The following AGAP3 variants were observed in gnomAD, a reference collection of about 807,000 sequenced individuals.
AGAP3 encodes arf-GAP with GTPase, ANK repeat and PH domain-containing protein 3.
A neutral mutation model predicts 96.9 loss-of-function variants in AGAP3; 24 were observed. The ratio of observed to expected loss-of-function variants is 0.25; its 90% CI spans 0.18 to 0.35. The LOEUF (loss-of-function observed/expected upper bound fraction) is 0.35, where lower values mean the gene tolerates loss of function less well. Ranked by LOEUF, AGAP3 falls within the 10% of genes least tolerant of loss-of-function variation. AGAP3 has a pLI of 1.00. For missense variants in AGAP3, 876 were observed against 1,254.2 expected (o/e 0.70, Z 4.55); for synonymous variants, 563 against 536.1 (o/e 1.05, Z -0.69).
Position 151,142,741 on chromosome 7 carries a change from G to A in AGAP3, c.2273+107G>A. 1.6e-6 allele frequency: 2 copies of A among 1,240,048 alleles called. No homozygotes were observed. The highest frequency in any genetic ancestry group is 2.2e-6 in the Non-Finnish European group (2 of 895,226). 76.8% of individuals were successfully genotyped at this position (1,240,048 alleles called of 1,614,324 possible). ...TGATGGTATTAGAAGGGTTAAAACT[G>A]TCTGTTGCTCTGCTTGGCAGTTGGC... On this transcript the variant is annotated intron_variant, in intron 16 of 17. Coordinates refer to ENST00000397238, the MANE Select transcript of AGAP3 (RefSeq NM_031946.7). This position sits in a 1 kb window ranked among gnomAD's most constrained non-coding sequence, Gnocchi z 7.5.
intron 1 of AGAP3, among the ~76,000 whole-genome samples, chr7:151,107,235 G>A (rs922357096): frequency 4.6e-5 from 7 of 152,022 alleles, no homozygotes; most frequent in South Asian, 2.1e-4. Context: ...ACTTGAACCC[G>A]GGAGGCGGAG....
At chr7:151,132,178 G>A (rs897308609) in intron 10 of AGAP3, among the ~76,000 whole-genome samples, 4 of 152,338 alleles carry the variant, frequency 2.6e-5, no homozygotes, top group South Asian at 2.1e-4. Context: ...ATGGCAGGAG[G>A]GGCTCCTGGG....
intron 1 of AGAP3, chr7:151,115,331 G>A: frequency 9.9e-7 from 1 of 1,015,032 alleles, no homozygotes; most frequent in Non-Finnish European, 1.2e-6. Flanking sequence ...CGGCGCTCAG[G>A]AAGAGCTTCA....
chr7:151,135,238 C>T (rs1358688376), intron 11 of AGAP3, among the ~76,000 whole-genome samples: 1 of 152,206 alleles, frequency 6.6e-6, no homozygotes, highest in Non-Finnish European at 1.5e-5. Context: ...CCCCTGGCTC[C>T]CGATTGCTTT....
chr7:151,133,716 T>C lies in AGAP3; in HGVS notation c.1327-684T>C, dbSNP rs748196225. Among the ~76,000 whole-genome samples, 12 of 152,160 alleles carry C rather than the reference T, an allele frequency of 7.9e-5. No homozygotes were observed. Among genetic ancestry groups the C allele is most frequent in the Non-Finnish European group, 1.3e-4 (9 of 68,026 alleles). ...CACTACCTCCCTCAGGTGGTGAAGA[T>C]TACGCGAGGCTATACGTGGAATGTA... On this transcript the variant is annotated intron_variant, in intron 10 of 17. Transcript: ENST00000397238. The surrounding 1 kb of genome is among the most constrained non-coding windows in gnomAD (Gnocchi z 5.4).
At position 151,128,636 on chromosome 7, in the gene AGAP3, T is replaced by C. The variant is rs555126575; in HGVS notation, c.1278T>C (p.Tyr426=). Residue 426 remains tyrosine, a synonymous_variant, in exon 10 of 18, where the codon TAT becomes TAC. Transcript: ENST00000397238. ...TGAACAAGGAGTGGAAGAAGAAGTA[T>C]GTGACGCTCTGTGACAACGGGCTGC... The part of the protein sequence containing the change: ...KSLNKEWKKK[Y]VTLCDNGLLT... 2 of 1,613,572 alleles carry C rather than the reference T, an allele frequency of 1.2e-6. No homozygotes were observed. The highest frequency in any genetic ancestry group is 1.7e-6 in the Non-Finnish European group (2 of 1,179,860).
chr7:151,102,587 C>T (rs1042988936), intron 1 of AGAP3, among the ~76,000 whole-genome samples: 5 of 148,112 alleles, frequency 3.4e-5, no homozygotes, highest in African/African-American at 1.3e-4. Flanking sequence ...CATAGTGATA[C>T]CTCGTCTCTA....
intron 1 of AGAP3, among the ~76,000 whole-genome samples, chr7:151,103,175 G>T (rs888754962): frequency 2.0e-5 from 3 of 152,240 alleles, no homozygotes; most frequent in African/African-American, 7.2e-5. Flanking sequence ...CTACAGGGTA[G>T]TATTAACCCC....
Position 151,140,815 on chromosome 7 carries a change from A to C in AGAP3, c.1804+699A>C, listed in dbSNP as rs914724115. Reference sequence around the variant, plus strand: ...CGTGGGGTCTCCCTTCTGGTCCGGCAGACTAAGCCCCACAAATGATCATGG... The same window carrying C: ...CGTGGGGTCTCCCTTCTGGTCCGGCCGACTAAGCCCCACAAATGATCATGG... On this transcript the variant is annotated intron_variant, in intron 13 of 17. Coordinates refer to ENST00000397238, the MANE Select transcript of AGAP3 (RefSeq NM_031946.7). The surrounding 1 kb of genome is among the most constrained non-coding windows in gnomAD (Gnocchi z 5.4). The C allele has an allele frequency of 6.6e-6, 1 of 152,220 alleles. No homozygotes were observed. Among genetic ancestry groups the C allele is most frequent in the Admixed American group, 6.5e-5 (1 of 15,274 alleles). 9.4% of individuals were successfully genotyped at this position (152,220 alleles called of 1,614,324 possible). A position where few individuals can be genotyped will look rare whatever the true frequency, so the allele number is the denominator to read the frequency against.
At chr7:151,106,399 C>G (rs1311156566) in intron 1 of AGAP3, among the ~76,000 whole-genome samples, 1 of 152,122 alleles carries the variant, frequency 6.6e-6, no homozygotes, top group Non-Finnish European at 1.5e-5. Context: ...GTGGCACAAC[C>G]TCGGCTCACT....
Position 151,118,091 on chromosome 7 carries a change from G to C in AGAP3, c.707-119G>C. On this transcript the variant is annotated intron_variant, in intron 5 of 17. Transcript: ENST00000397238. The surrounding 1 kb of genome is among the most constrained non-coding windows in gnomAD (Gnocchi z 6.1). The stretch of plus-strand genomic sequence containing the variant: ...AGACCCAGGCACCCGCGTTCTTGGT[G>C]CTCTGTGTGTTCCACTCACCAGGCC... 7.3e-7 allele frequency: 1 copy of C among 1,364,692 alleles called. No individual in the cohort carries two copies. The highest frequency in any genetic ancestry group is 1.4e-5 in the South Asian group (1 of 69,694). 84.5% of individuals were successfully genotyped at this position (1,364,692 alleles called of 1,614,324 possible).
chr7:151,120,520 C>A, intron 8 of AGAP3: 1 of 801,194 alleles, frequency 1.2e-6, no homozygotes, highest in Non-Finnish European at 1.9e-6. Context: ...GATTCAACAG[C>A]TAATGAACCG....
intron 10 of AGAP3, among the ~76,000 whole-genome samples, chr7:151,129,165 G>T (rs1439207527): frequency 2.0e-5 from 3 of 152,058 alleles, no homozygotes; most frequent in African/African-American, 7.2e-5. Flanking sequence ...CCAGCTGGGG[G>T]GTGTTGTGGT....
At chr7:151,130,615 T>TGCAACAAGTGCGAG (rs1258558663) in intron 10 of AGAP3, among the ~76,000 whole-genome samples, 3 of 152,064 alleles carry the variant, frequency 2.0e-5, no homozygotes, top group African/African-American at 7.2e-5. Flanking sequence ...GCCGCACTTG[T>TGCAACAAGTGCGAG]TGCACTGTGC....
At chr7:151,129,708 C>CCGCGGGCACAGACCTTGT in intron 10 of AGAP3, among the ~76,000 whole-genome samples, 1 of 151,888 alleles carries the variant, frequency 6.6e-6, no homozygotes, top group Non-Finnish European at 1.5e-5. Context: ...CACCTCCCCA[C>CCGCGGGCACAGACCTTGT]CGCGGGCACA....
chr7:151,128,531 A>G (rs755369161), intron 9 of AGAP3, 49 bp from the exon 10 acceptor site: 47 of 1,548,514 alleles, frequency 3.0e-5, no homozygotes, highest in South Asian at 5.6e-5. Flanking sequence ...CTCATGCCCT[A>G]TGACCTAGGG....
chr7:151,091,253 A>G (rs1751272522), intron 1 of AGAP3, among the ~76,000 whole-genome samples: 1 of 152,216 alleles, frequency 6.6e-6, no homozygotes, highest in African/African-American at 2.4e-5. Flanking sequence ...TGCCGGGGAC[A>G]TGCATCTGGA....
In AGAP3 at chr7:151,096,973, C is replaced by T. The variant is rs1167100477; in HGVS notation, c.331+9901C>T. 3.3e-5 allele frequency among the ~76,000 whole-genome samples: 5 copies of T among 151,464 alleles called. No homozygotes were observed. Among genetic ancestry groups the T allele is most frequent in the Non-Finnish European group, 5.9e-5 (4 of 67,896 alleles). On this transcript the variant is annotated intron_variant, in intron 1 of 17. Coordinates refer to ENST00000397238, the MANE Select transcript of AGAP3 (RefSeq NM_031946.7). This position sits in a 1 kb window ranked among gnomAD's most constrained non-coding sequence, Gnocchi z 4.4. ...CTAATTTTTGTATTTTTTGTAGAGACGGGGTTTTACCATGTTGGCCAGGGT... is the reference window on the plus strand; with the variant it reads ...CTAATTTTTGTATTTTTTGTAGAGATGGGGTTTTACCATGTTGGCCAGGGT...
In AGAP3 at chr7:151,134,547, A is replaced by G. The variant is rs765234782; in HGVS notation, c.1474A>G (p.Thr492Ala). The change falls in exon 11 of 18, where the codon ACA (threonine) becomes GCA (alanine). Residue 492 changes from threonine (T) to alanine (A), a missense_variant. Physicochemically the swap from Thr to Ala is moderately conservative, Grantham distance 58 (BLOSUM62 0). This residue lies in a region of AGAP3 where 155 missense variants were observed against 144.4 expected (regional missense o/e 1.07). Coordinates refer to ENST00000397238, the MANE Select transcript of AGAP3 (RefSeq NM_031946.7). Reference sequence around the variant, plus strand: ...CGGGCTGTCCGTGGAGCGGAGTAACACACAGCTGGGTGGGGGCACAGGTGA... The same window carrying G: ...CGGGCTGTCCGTGGAGCGGAGTAACGCACAGCTGGGTGGGGGCACAGGTGA... ...ANGLSVERSNTQLGGGTGAPH... is the reference protein window; with the variant it reads ...ANGLSVERSNAQLGGGTGAPH... 7.4e-6 allele frequency: 12 copies of G among 1,611,946 alleles called. No homozygotes were observed. Among genetic ancestry groups the G allele is most frequent in the East Asian group, 4.5e-5 (2 of 44,842 alleles).
Sources: allele counts gnomAD v4.1 joint callset (sites outside exome capture counted in the v4.1 genomes callset), GRCh38; gene constraint gnomAD v4.1.1; regional missense constraint gnomAD v4.1.1; non-coding constraint Gnocchi (gnomAD v3.1); transcripts MANE v1.5; gene names NCBI Gene and HGNC (gene_info 2026-07-23, HGNC 2026-07-21).